PCDHGB5: variants seen among roughly 807,000 people sequenced by gnomAD.
PCDHGB5 encodes protocadherin gamma subfamily B, 5.
In PCDHGB5, 48 loss-of-function variants were observed where a neutral mutation model predicts 62.9. The ratio of observed to expected loss-of-function variants is 0.76; its 90% CI spans 0.61 to 0.97. The LOEUF (loss-of-function observed/expected upper bound fraction) is 0.97. Ranked by LOEUF, PCDHGB5 falls within the 50% of genes least tolerant of loss-of-function variation. The probability of loss-of-function intolerance (pLI) is 0.00; values close to 1 mark genes in which losing one functional copy is unlikely to be tolerated. For missense variants in PCDHGB5, 1,118 were observed against 1,198.6 expected, an observed-to-expected ratio of 0.93 and a Z score of 0.99; for synonymous variants, 474 against 511.2, an observed-to-expected ratio of 0.93 and a Z score of 0.98.
rs1309124846 is a variant in PCDHGB5, at chr5:141,491,295, T to C, written c.2398-3512T>C. On this transcript the variant is annotated intron_variant, in intron 1 of 3. Coordinates refer to ENST00000617380, the MANE Select transcript of PCDHGB5 (RefSeq NM_018925.3). This position sits in a 1 kb window ranked among gnomAD's most constrained non-coding sequence, Gnocchi z 6.9. ...CCAGTGACTTCCTCATACACCCTCC[T>C]GAGCGTTCAGACCTTACCCTTTACC... The C allele has an allele frequency of 6.2e-7, 1 of 1,614,176 alleles. No homozygotes were observed. Among genetic ancestry groups the C allele is most frequent in the Non-Finnish European group, 8.5e-7 (1 of 1,179,994 alleles).
intron 1 of PCDHGB5, chr5:141,405,358 A>G (rs567878422): frequency 6.2e-7 from 1 of 1,613,900 alleles, no homozygotes; most frequent in East Asian, 2.2e-5. Context: ...TTCCTATAGA[A>G]GACACCCCTT....
chr5:141,468,763 G>A (rs1341363934), intron 1 of PCDHGB5, among the ~76,000 whole-genome samples: 1 of 152,078 alleles, frequency 6.6e-6, no homozygotes, highest in Non-Finnish European at 1.5e-5. Flanking sequence ...CTACTCGGGA[G>A]GCTGAGGCAG....
chr5:141,400,793 C>T, intron 1 of PCDHGB5: 2 of 561,880 alleles, frequency 3.6e-6, no homozygotes, highest in Admixed American at 3.5e-5. Context: ...TGTCCTCTTT[C>T]TCAAAGCTAA....
Position 141,489,424 on chromosome 5 carries a change from C to T in PCDHGB5, c.2398-5383C>T, listed in dbSNP as rs758049228. The T allele has an allele frequency of 5.0e-5, 80 of 1,613,958 alleles. No homozygotes were observed. In the Admixed American group the frequency reaches 1.1e-3, roughly 23 times the overall value. On this transcript the variant is annotated intron_variant, in intron 1 of 3. Coordinates refer to ENST00000617380, the MANE Select transcript of PCDHGB5 (RefSeq NM_018925.3). The surrounding 1 kb of genome is among the most constrained non-coding windows in gnomAD (Gnocchi z 4.5). ...CTTAAAGATGACAGATCTGTTGAGC[C>T]GGCGGCTGCAATTGGGCTCTGAGGA...
intron 1 of PCDHGB5, chr5:141,414,638 A>G: frequency 6.2e-7 from 1 of 1,613,988 alleles, no homozygotes; most frequent in Non-Finnish European, 8.5e-7. Flanking sequence ...AGCAAAGAGA[A>G]TGCCCAGATT....
intron 1 of PCDHGB5, among the ~76,000 whole-genome samples, chr5:141,473,431 G>C (rs541546681): frequency 6.6e-6 from 1 of 152,148 alleles, no homozygotes; most frequent in South Asian, 2.1e-4. Context: ...CAGATACTTT[G>C]CTTATGCAAA....
intron 1 of PCDHGB5, among the ~76,000 whole-genome samples, chr5:141,402,436 A>G (rs1441746239): frequency 2.6e-5 from 4 of 152,178 alleles, no homozygotes; most frequent in African/African-American, 9.6e-5. Flanking sequence ...GCATCATAAA[A>G]AGGAAATTAT....
intron 2 of PCDHGB5, among the ~76,000 whole-genome samples, chr5:141,497,962 G>A (rs2099780751): frequency 6.6e-6 from 1 of 152,236 alleles, no homozygotes; most frequent in African/African-American, 2.4e-5. Context: ...TGGCCAGGCA[G>A]TGTTCTCGAT....
At chr5:141,450,006 CTTTTTTT>C (rs1554136305) in intron 1 of PCDHGB5, among the ~76,000 whole-genome samples, 12 of 132,986 alleles carry the variant, frequency 9.0e-5, no homozygotes, top group Non-Finnish European at 1.7e-4. Context: ...TGCCATGTCT[CTTTTTTT>C]TTTTTTTTTT....
chr5:141,413,881 G>C (rs774026375), intron 1 of PCDHGB5: 5 of 1,613,400 alleles, frequency 3.1e-6, no homozygotes, highest in Non-Finnish European at 4.2e-6. Context: ...CAGTGTGACT[G>C]TCTTCGATGC....
At position 141,414,898 on chromosome 5, in the gene PCDHGB5, G is replaced by A. The variant is rs1369274783; in HGVS notation, c.2397+14374G>A. On this transcript the variant is annotated intron_variant, in intron 1 of 3. Coordinates refer to ENST00000617380, the MANE Select transcript of PCDHGB5 (RefSeq NM_018925.3). ...CCTGTACCCCGCCCTCCCCACAGAC[G>A]GTTCCACAGGCGTGGAGCTGGCGCC... is the stretch of plus-strand genomic sequence containing the variant. 2.5e-6 allele frequency: 4 copies of A among 1,614,190 alleles called. No individual in the cohort carries two copies. Among genetic ancestry groups the A allele is most frequent in the Admixed American group, 1.7e-5 (1 of 60,028 alleles).
At position 141,398,516 on chromosome 5, in the gene PCDHGB5, C is replaced by G. The variant is rs779535322; in HGVS notation, c.389C>G (p.Thr130Arg). Residue 130 changes from threonine to arginine, a missense_variant, in exon 1 of 4, where the codon ACG becomes AGG. By Grantham distance (71) the Thr-to-Arg change is moderately conservative. Coordinates refer to ENST00000617380, the MANE Select transcript of PCDHGB5 (RefSeq NM_018925.3). Reference protein sequence around the residue: ...NVEIEDINDHTPKFTQNSFEL... With the variant: ...NVEIEDINDHRPKFTQNSFEL... ...GAGATCGAGGACATTAATGACCACA[C>G]GCCAAAATTCACGCAAAATTCCTTT... is the stretch of plus-strand genomic sequence containing the variant. The G allele has an allele frequency of 4.4e-5, 70 of 1,598,584 alleles. No individual in the cohort carries two copies. The highest frequency in any genetic ancestry group is 4.3e-4 in the Admixed American group (25 of 58,660).
chr5:141,430,639 A>C, intron 1 of PCDHGB5: 6 of 900,712 alleles, frequency 6.7e-6, no homozygotes, highest in Non-Finnish European at 9.7e-6. Context: ...CATCCCTGGG[A>C]GTATGTGGAA....
At chr5:141,404,482 C>T (rs758102201) in intron 1 of PCDHGB5, 2 of 1,613,594 alleles carry the variant, frequency 1.2e-6, no homozygotes, top group East Asian at 2.2e-5. Context: ...TTAACTCAGA[C>T]ACTGGTGTGC....
At chr5:141,479,866 A>G (rs1020197891) in intron 1 of PCDHGB5, among the ~76,000 whole-genome samples, 2 of 152,204 alleles carry the variant, frequency 1.3e-5, no homozygotes, top group African/African-American at 2.4e-5. Context: ...TTTGCCCTGG[A>G]GAGAACCCTA....
chr5:141,460,582 G>A (rs1246329967), intron 1 of PCDHGB5, among the ~76,000 whole-genome samples: 2 of 152,022 alleles, frequency 1.3e-5, no homozygotes, highest in South Asian at 4.1e-4. Context: ...GTAGGTGTGG[G>A]TTTTTTCTGG....
chr5:141,402,110 T>G (rs900421956), intron 1 of PCDHGB5, among the ~76,000 whole-genome samples: 1 of 152,150 alleles, frequency 6.6e-6, no homozygotes, highest in Admixed American at 6.5e-5. Context: ...ATTACAAAAA[T>G]GTGAAAATTT....
intron 1 of PCDHGB5, among the ~76,000 whole-genome samples, chr5:141,402,419 A>T: frequency 6.6e-6 from 1 of 152,100 alleles, no homozygotes; most frequent in Middle Eastern, 3.2e-3. Flanking sequence ...ACACAGAAAA[A>T]ATTGAAGCAT....
intron 1 of PCDHGB5, chr5:141,421,090 G>C (rs552694052): frequency 1.5e-6 from 1 of 661,192 alleles, no homozygotes; most frequent in Admixed American, 3.2e-5. Context: ...CACAGATCCT[G>C]ACACTGGAGA....
Sources: allele counts gnomAD v4.1 joint callset (sites outside exome capture counted in the v4.1 genomes callset), GRCh38; gene constraint gnomAD v4.1.1; non-coding constraint Gnocchi (gnomAD v3.1); transcripts MANE v1.5; gene names NCBI Gene and HGNC (gene_info 2026-07-23, HGNC 2026-07-21).